The following RARB variants were observed in gnomAD, a reference collection of about 807,000 sequenced individuals.
RARB encodes HBV-activated protein.
Under a neutral mutation model 51.9 loss-of-function variants are expected in RARB, and 17 were observed. That is an observed-to-expected ratio of 0.33 (90% CI 0.22 to 0.49). The LOEUF (loss-of-function observed/expected upper bound fraction) is 0.49. Ranked by LOEUF, RARB falls within the 20% of genes least tolerant of loss-of-function variation. RARB has a pLI of 0.99. For synonymous variants in RARB, 215 were observed against 195.4 expected, an observed-to-expected ratio of 1.10 and a Z score of -0.84; for missense variants, 369 against 550.8, an observed-to-expected ratio of 0.67 and a Z score of 3.30.
chr3:25,135,559 G>A (rs4386457), intron 4 of RARB, among the ~76,000 whole-genome samples: 124,021 of 151,990 alleles, frequency 0.82, 50,769 homozygotes, highest in Non-Finnish European at 0.85. Flanking sequence ...GTTGTTCTCA[G>A]CAGGATAGGT....
At chr3:25,065,934 T>A (rs1698652655) in intron 3 of RARB, among the ~76,000 whole-genome samples, 1 of 151,640 alleles carries the variant, frequency 6.6e-6, no homozygotes, top group Admixed American at 6.6e-5. Flanking sequence ...AAATGAAGAT[T>A]TTTTTTTTAA....
At chr3:24,887,707 G>C (rs34562559) in intron 2 of RARB, among the ~76,000 whole-genome samples, 64,776 of 152,052 alleles carry the variant, frequency 0.43, 15,152 homozygotes, top group Admixed American at 0.54. Flanking sequence ...TGTGACTTCT[G>C]AAGTCTTAAA....
intron 2 of RARB, among the ~76,000 whole-genome samples, chr3:25,052,737 T>A (rs1698361940): frequency 6.6e-6 from 1 of 152,216 alleles, no homozygotes; most frequent in South Asian, 2.1e-4. Flanking sequence ...CATATTCTCT[T>A]ATCTTTATCC....
intron 1 of RARB, among the ~76,000 whole-genome samples, chr3:24,848,576 T>C (rs911256255): frequency 6.6e-6 from 1 of 152,196 alleles, no homozygotes; most frequent in Non-Finnish European, 1.5e-5. Context: ...TTTTTGGCCT[T>C]TTCTCTGCCT....
chr3:25,293,597 T>TAA lies in RARB; in HGVS notation c.178+119042_178+119043dup, dbSNP rs10713675. Among the ~76,000 whole-genome samples, 131 of 68,646 alleles carry TAA rather than the reference T, an allele frequency of 1.9e-3. 5 individuals carry two copies. The highest frequency in any genetic ancestry group is 2.8e-3 in the African/African-American group (68 of 23,946). The allele number at this position is 68,646 out of a possible 152,430, so 45.0% of individuals were successfully genotyped here. On this transcript the variant is annotated intron_variant, in intron 5 of 11. Coordinates refer to the RARB transcript ENST00000383772. ...TTCCCGAGGCTAGAGTTACTCCATTTAAAAAAAAAAAAAAAAAAAAAGTTC... is the reference window on the plus strand; with the variant it reads ...TTCCCGAGGCTAGAGTTACTCCATTTAAAAAAAAAAAAAAAAAAAAAAAGTTC...
intron 5 of RARB, among the ~76,000 whole-genome samples, chr3:25,208,140 T>G (rs7629870): frequency 0.47 from 71,247 of 151,880 alleles, 17,878 homozygotes; most frequent in East Asian, 0.69. Context: ...ATGAGAAATC[T>G]GCCCACATGA....
At chr3:24,903,863 A>T (rs1420556179) in intron 2 of RARB, among the ~76,000 whole-genome samples, 1 of 152,196 alleles carries the variant, frequency 6.6e-6, no homozygotes, top group Non-Finnish European at 1.5e-5. Flanking sequence ...TCATTGCTAT[A>T]ACATAGAATT....
In RARB at chr3:25,158,726, A is replaced by G. The variant is rs200222774; in HGVS notation, c.-279-15393A>G. Among the ~76,000 whole-genome samples the G allele has an allele frequency of 1.6e-4, 25 of 152,352 alleles. No individual in the cohort carries two copies. In the East Asian group the frequency reaches 2.9e-3, roughly 18 times the overall value. On this transcript the variant is annotated intron_variant, in intron 4 of 11. Coordinates refer to the RARB transcript ENST00000383772. ...TAACATAGATCTGCACATTTCAGCA[A>G]CTAAATACAATAAAGATTTATTTCT...
At chr3:25,240,664 C>G in intron 5 of RARB, among the ~76,000 whole-genome samples, 1 of 152,198 alleles carries the variant, frequency 6.6e-6, no homozygotes, top group East Asian at 1.9e-4. Context: ...GACATTCTTA[C>G]ATCCCTGAGA....
At chr3:24,986,685 G>C (rs1696800309) in intron 2 of RARB, among the ~76,000 whole-genome samples, 1 of 152,098 alleles carries the variant, frequency 6.6e-6, no homozygotes. Context: ...TTAATTTCTG[G>C]GAGATTGCAG....
chr3:25,072,002 C>T (rs1044218371), intron 3 of RARB, among the ~76,000 whole-genome samples: 1 of 152,194 alleles, frequency 6.6e-6, no homozygotes, highest in African/African-American at 2.4e-5. Flanking sequence ...GGAGAATCCA[C>T]GTGAGGCATA....
At chr3:24,995,357 C>G (rs1318401221) in intron 2 of RARB, among the ~76,000 whole-genome samples, 1 of 151,392 alleles carries the variant, frequency 6.6e-6, no homozygotes. Context: ...TTCATCAGTT[C>G]TAAGAGTTTT....
At chr3:24,942,894 C>G (rs1695698363) in intron 2 of RARB, among the ~76,000 whole-genome samples, 1 of 152,126 alleles carries the variant, frequency 6.6e-6, no homozygotes, top group South Asian at 2.1e-4. Flanking sequence ...ATTTTTTAAT[C>G]TTCCTGTTAT....
At chr3:25,100,388 T>C (rs1418020926) in intron 3 of RARB, among the ~76,000 whole-genome samples, 1 of 152,118 alleles carries the variant, frequency 6.6e-6, no homozygotes. Context: ...GGAAGAAGTG[T>C]GTTCTAGATA....
chr3:25,293,754 G>A (rs1031979107), intron 5 of RARB, among the ~76,000 whole-genome samples: 3 of 152,098 alleles, frequency 2.0e-5, no homozygotes, highest in Admixed American at 1.3e-4. Flanking sequence ...TGGCTAAAAA[G>A]GTGGTATGTG....
At chr3:25,168,886 C>A (rs1394234229) in intron 4 of RARB, among the ~76,000 whole-genome samples, 1 of 152,090 alleles carries the variant, frequency 6.6e-6, no homozygotes, top group Non-Finnish European at 1.5e-5. Flanking sequence ...AATGCATTTA[C>A]TAAGTGCATA....
intron 5 of RARB, among the ~76,000 whole-genome samples, chr3:25,241,322 T>G (rs1202457026): frequency 6.6e-6 from 1 of 152,208 alleles, no homozygotes; most frequent in Non-Finnish European, 1.5e-5. Flanking sequence ...TATGTCTTTT[T>G]TTAAATTATA....
chr3:25,412,138 G>A (rs758833049), intron 5 of RARB, among the ~76,000 whole-genome samples: 1 of 152,290 alleles, frequency 6.6e-6, no homozygotes, highest in South Asian at 2.1e-4. Flanking sequence ...AAAACTTGTA[G>A]TCAAAGTGCT....
At chr3:25,103,565 G>C (rs897805806) in intron 3 of RARB, among the ~76,000 whole-genome samples, 1 of 152,202 alleles carries the variant, frequency 6.6e-6, no homozygotes, top group Non-Finnish European at 1.5e-5. Context: ...AATCATGAAA[G>C]TTTTGCCCCC....
Sources: gnomAD v4.1 joint callset for allele counts (sites outside exome capture counted in the v4.1 genomes callset) on GRCh38, gnomAD v4.1.1 for gene constraint, MANE v1.5 for transcripts, NCBI Gene and HGNC (gene_info 2026-07-23, HGNC 2026-07-21) for gene names.